The following CADM2 variants were observed in gnomAD, a reference collection of about 807,000 sequenced individuals.
CADM2 encodes cell adhesion molecule 2.
A neutral mutation model predicts 49.8 loss-of-function variants in CADM2; 12 were observed. That is an observed-to-expected ratio of 0.24 (90% CI 0.15 to 0.39). CADM2 has a LOEUF of 0.39. CADM2 is among the 10% of genes least tolerant of loss of function. The pLI, the probability that CADM2 is intolerant of heterozygous loss-of-function variation, is 1.00. For synonymous variants in CADM2, 214 were observed against 175.4 expected, an observed-to-expected ratio of 1.22 and a Z score of -1.74; for missense variants, 378 against 492.3, an observed-to-expected ratio of 0.77 and a Z score of 2.20.
At chr3:85,041,109 T>A (rs1459302749) in intron 1 of CADM2, among the ~76,000 whole-genome samples, 1 of 152,216 alleles carries the variant, frequency 6.6e-6, no homozygotes, top group East Asian at 1.9e-4. Flanking sequence ...TTAATTCTTC[T>A]TCCTTTAATT....
chr3:86,032,047 TTCTTC>T (rs1401793559), intron 8 of CADM2, among the ~76,000 whole-genome samples: 1 of 151,804 alleles, frequency 6.6e-6, no homozygotes, highest in Non-Finnish European at 1.5e-5. Flanking sequence ...AGATATTTTT[TTCTTC>T]TCTATGTGTC....
chr3:85,995,669 C>T (rs544782059), intron 8 of CADM2, among the ~76,000 whole-genome samples: 1 of 152,274 alleles, frequency 6.6e-6, no homozygotes, highest in South Asian at 2.1e-4. Flanking sequence ...CTGGATCATC[C>T]TTTCTTCCAA....
chr3:85,077,174 A>G (rs1451040641), intron 1 of CADM2, among the ~76,000 whole-genome samples: 1 of 152,174 alleles, frequency 6.6e-6, no homozygotes, highest in Non-Finnish European at 1.5e-5. Flanking sequence ...TATGTATTGT[A>G]TCTAGTCAAG....
chr3:84,974,586 G>GACTTCTT (rs2031689071), intron 1 of CADM2, among the ~76,000 whole-genome samples: 1 of 151,868 alleles, frequency 6.6e-6, no homozygotes, highest in Non-Finnish European at 1.5e-5. Context: ...TGACTTCTTT[G>GACTTCTT]GTCCTGTTCT....
Position 85,672,852 on chromosome 3 carries a change from T to C in CADM2, c.62-53670T>C, listed in dbSNP as rs2065781949. 2.0e-5 allele frequency among the ~76,000 whole-genome samples: 3 copies of C among 152,240 alleles called. No homozygotes were observed. The South Asian group carries it at 6.2e-4, about 31-fold the overall frequency. ...AATGCACAGATTTTTCATTTTTATT[T>C]AACCATCTAAATTGAATCTGATTTT... is the stretch of plus-strand genomic sequence containing the variant. On this transcript the variant is annotated intron_variant, in intron 1 of 9. Transcript: ENST00000383699.
intron 8 of CADM2, among the ~76,000 whole-genome samples, chr3:86,023,014 A>G (rs1733393012): frequency 6.6e-6 from 1 of 152,206 alleles, no homozygotes; most frequent in Non-Finnish European, 1.5e-5. Flanking sequence ...CAAAAAAAAG[A>G]AAATTATTTC....
intron 1 of CADM2, among the ~76,000 whole-genome samples, chr3:85,499,142 C>G (rs552735054): frequency 6.6e-6 from 1 of 151,962 alleles, no homozygotes; most frequent in African/African-American, 2.4e-5. Context: ...ATCAGGACTC[C>G]TAACAACAAC....
intron 1 of CADM2, among the ~76,000 whole-genome samples, chr3:85,615,206 A>AAG (rs138179330): frequency 4.8e-4 from 72 of 149,752 alleles, no homozygotes; most frequent in East Asian, 2.5e-3. Context: ...GTACTACAGA[A>AAG]AGAGAGAGAG....
intron 1 of CADM2, among the ~76,000 whole-genome samples, chr3:85,498,830 T>C (rs1437394853): frequency 3.3e-5 from 5 of 152,156 alleles, no homozygotes; most frequent in African/African-American, 1.2e-4. Context: ...TTATGGTGAC[T>C]TTGTAATACA....
chr3:85,108,263 T>G (rs924812665), intron 1 of CADM2, among the ~76,000 whole-genome samples: 2 of 152,212 alleles, frequency 1.3e-5, no homozygotes, highest in Admixed American at 6.5e-5. Flanking sequence ...ACAGTCATGT[T>G]TCTAGCAGCA....
chr3:85,324,789 G>A (rs902636855), intron 1 of CADM2, among the ~76,000 whole-genome samples: 2 of 152,118 alleles, frequency 1.3e-5, no homozygotes, highest in Non-Finnish European at 2.9e-5. Context: ...AAACCACATC[G>A]TGTGGGTATC....
At chr3:85,320,442 C>T (rs1342761970) in intron 1 of CADM2, among the ~76,000 whole-genome samples, 1 of 152,144 alleles carries the variant, frequency 6.6e-6, no homozygotes, top group Admixed American at 6.5e-5. Context: ...TCACGTAACG[C>T]AAGCTACAGT....
At chr3:85,032,270 G>A (rs1373698280) in intron 1 of CADM2, among the ~76,000 whole-genome samples, 1 of 151,794 alleles carries the variant, frequency 6.6e-6, no homozygotes, top group South Asian at 2.1e-4. Flanking sequence ...TGGAAACAAG[G>A]TCACAAAGAT....
intron 8 of CADM2, among the ~76,000 whole-genome samples, chr3:85,998,161 G>T (rs547816259): frequency 3.9e-5 from 6 of 152,176 alleles, no homozygotes; most frequent in Admixed American, 1.3e-4. Flanking sequence ...AGGGTTGGGG[G>T]TAAGAGTAGA....
intron 2 of CADM2, among the ~76,000 whole-genome samples, chr3:85,796,201 T>C (rs1249023395): frequency 6.6e-6 from 1 of 152,220 alleles, no homozygotes; most frequent in East Asian, 1.9e-4. Flanking sequence ...AATAACTCCC[T>C]GATTGCTCAA....
At chr3:85,013,990 ACG>A in intron 1 of CADM2, among the ~76,000 whole-genome samples, 1 of 144,546 alleles carries the variant, frequency 6.9e-6, no homozygotes, top group Non-Finnish European at 1.5e-5. Flanking sequence ...TATTATATAT[ACG>A]CAGTGTAATA....
At chr3:84,989,795 C>T (rs1045907509) in intron 1 of CADM2, among the ~76,000 whole-genome samples, 2 of 151,954 alleles carry the variant, frequency 1.3e-5, no homozygotes, top group African/African-American at 2.4e-5. Flanking sequence ...TTTAACTTAG[C>T]ACCTTGCTTG....
intron 1 of CADM2, among the ~76,000 whole-genome samples, chr3:84,991,554 C>A (rs913535811): frequency 2.0e-5 from 3 of 152,104 alleles, no homozygotes; most frequent in African/African-American, 7.2e-5. Context: ...AAATCCAGAA[C>A]ACTGACAACA....
intron 1 of CADM2, among the ~76,000 whole-genome samples, chr3:85,313,924 T>A (rs2044403106): frequency 6.6e-6 from 1 of 152,204 alleles, no homozygotes; most frequent in African/African-American, 2.4e-5. Context: ...GGAGTCTCTC[T>A]CTGTCACCCA....
Sources: allele counts gnomAD v4.1 joint callset (sites outside exome capture counted in the v4.1 genomes callset), GRCh38; gene constraint gnomAD v4.1.1; transcripts MANE v1.5; gene names NCBI Gene and HGNC (gene_info 2026-07-23, HGNC 2026-07-21).